YAF2: variants seen among roughly 807,000 people sequenced by gnomAD.
YAF2 encodes YY1 associated factor 2.
Under a neutral mutation model 20.1 loss-of-function variants are expected in YAF2, and 7 were observed. The ratio of observed to expected loss-of-function variants is 0.35; its 90% CI spans 0.20 to 0.65. YAF2 has a LOEUF of 0.65. Ranked by LOEUF, YAF2 falls within the 30% of genes least tolerant of loss-of-function variation. The pLI, the probability that YAF2 is intolerant of heterozygous loss-of-function variation, is 0.69. For missense variants in YAF2, 151 were observed against 219.2 expected, an observed-to-expected ratio of 0.69 and a Z score of 1.96; for synonymous variants, 74 against 76.0, an observed-to-expected ratio of 0.97 and a Z score of 0.14.
intron 2 of YAF2, among the ~76,000 whole-genome samples, chr12:42,202,944 C>T (rs2066939242): frequency 6.6e-6 from 1 of 152,024 alleles, no homozygotes; most frequent in Admixed American, 6.6e-5. Context: ...GGGCTAAATA[C>T]CATAATTTTT....
chr12:42,162,188 C>A (rs1360740408), intron 2 of YAF2, among the ~76,000 whole-genome samples: 1 of 152,110 alleles, frequency 6.6e-6, no homozygotes, highest in East Asian at 1.9e-4. Flanking sequence ...GCTATCTGTT[C>A]TTTAAAGCTT....
chr12:42,206,296 T>C (rs2067037758), intron 2 of YAF2, among the ~76,000 whole-genome samples: 1 of 93,138 alleles, frequency 1.1e-5, no homozygotes, highest in Admixed American at 1.1e-4. Flanking sequence ...ATGCTCTTAG[T>C]TAAAAAAAAA....
chr12:42,187,334 A>C (rs2066499328), intron 2 of YAF2, among the ~76,000 whole-genome samples: 1 of 151,964 alleles, frequency 6.6e-6, no homozygotes, highest in Non-Finnish European at 1.5e-5. Flanking sequence ...TTTTTAATAA[A>C]ATTTTTGTAG....
At chr12:42,201,879 C>G (rs1004301875) in intron 2 of YAF2, among the ~76,000 whole-genome samples, 1 of 152,112 alleles carries the variant, frequency 6.6e-6, no homozygotes, top group Non-Finnish European at 1.5e-5. Context: ...AGCCTGATGT[C>G]TTTTATTAAA....
intron 2 of YAF2, among the ~76,000 whole-genome samples, chr12:42,230,714 G>A (rs1382425044): frequency 6.6e-6 from 1 of 152,182 alleles, no homozygotes; most frequent in Non-Finnish European, 1.5e-5. Flanking sequence ...GACAATGACA[G>A]TTTCTAGCTG....
rs1229636175 is a variant in YAF2, at chr12:42,157,712, T to C, written c.*2877A>G. 1.3e-5 allele frequency: 2 copies of C among 152,092 alleles called. No homozygotes were observed. The highest frequency in any genetic ancestry group is 2.9e-5 in the Non-Finnish European group (2 of 68,022). 9.4% of individuals were successfully genotyped at this position (152,092 alleles called of 1,614,324 possible). A position where few individuals can be genotyped will look rare whatever the true frequency, so the allele number is the denominator to read the frequency against. On this transcript the variant is annotated 3_prime_UTR_variant, in exon 4 of 4. Transcript: ENST00000534854. ...AATAAAAATAAAACCTTTATTTCTA[T>C]TGTATAATACAAAAGGTTTTAAGAA...
At chr12:42,235,022 G>A in intron 2 of YAF2, 1 of 985,338 alleles carries the variant, frequency 1.0e-6, no homozygotes, top group Non-Finnish European at 1.2e-6. Context: ...GACTTCAAAG[G>A]TAGAACAAGG....
At chr12:42,197,756 C>T (rs1364032467) in intron 2 of YAF2, among the ~76,000 whole-genome samples, 2 of 152,110 alleles carry the variant, frequency 1.3e-5, no homozygotes, top group African/African-American at 2.4e-5. Context: ...AATAATCTTA[C>T]CTTACAAGAG....
intron 2 of YAF2, among the ~76,000 whole-genome samples, chr12:42,224,836 T>C (rs1239985473): frequency 6.6e-6 from 1 of 152,226 alleles, no homozygotes; most frequent in Non-Finnish European, 1.5e-5. Flanking sequence ...GCAATAAACA[T>C]ACGTGTGCAT....
intron 2 of YAF2, among the ~76,000 whole-genome samples, chr12:42,223,211 T>C (rs891021064): frequency 1.3e-5 from 2 of 152,124 alleles, no homozygotes; most frequent in African/African-American, 2.4e-5. Context: ...CTTTGCTTAT[T>C]CCTCTTTCCT....
chr12:42,213,805 C>T (rs1323939266), intron 2 of YAF2, among the ~76,000 whole-genome samples: 1 of 152,132 alleles, frequency 6.6e-6, no homozygotes, highest in African/African-American at 2.4e-5. Context: ...TGGAAACATA[C>T]ATCAAGGTAT....
chr12:42,170,726 G>T (rs941548031), intron 2 of YAF2, among the ~76,000 whole-genome samples: 1 of 152,094 alleles, frequency 6.6e-6, no homozygotes, highest in Non-Finnish European at 1.5e-5. Context: ...AGCACCTTTA[G>T]TCCCAGCTAC....
chr12:42,233,988 T>G, intron 2 of YAF2: 2 of 834,448 alleles, frequency 2.4e-6, no homozygotes, highest in East Asian at 1.2e-4. Flanking sequence ...CTGGCCAGCA[T>G]AGTGAAACCC....
chr12:42,163,105 C>T (rs544164824), intron 2 of YAF2, among the ~76,000 whole-genome samples: 57 of 152,046 alleles, frequency 3.7e-4, no homozygotes, highest in East Asian at 1.7e-3. Context: ...GAAGTAGAGC[C>T]CAAGAAACTG....
chr12:42,176,834 C>T (rs1236650974), intron 2 of YAF2, among the ~76,000 whole-genome samples: 1 of 152,010 alleles, frequency 6.6e-6, no homozygotes, highest in African/African-American at 2.4e-5. Context: ...AGGCGTGGTG[C>T]TGGGCGTCTG....
At chr12:42,229,012 CGT>C (rs1488582813) in intron 2 of YAF2, among the ~76,000 whole-genome samples, 4 of 50,974 alleles carry the variant, frequency 7.8e-5, no homozygotes, top group African/African-American at 1.5e-4. Flanking sequence ...GGATGGTTGC[CGT>C]GTCTGTGTAG....
intron 2 of YAF2, chr12:42,234,436 A>G (rs2068081455): frequency 1.0e-6 from 1 of 982,012 alleles, no homozygotes; most frequent in African/African-American, 1.7e-5. Flanking sequence ...TAATGGGTAC[A>G]CTGGAATCCC....
chr12:42,237,758 G>T, intron 1 of YAF2, 34 bp from the exon 2 acceptor site: 1 of 1,469,342 alleles, frequency 6.8e-7, no homozygotes, highest in Non-Finnish European at 9.0e-7. Flanking sequence ...ACGCGGCGCG[G>T]GGTCACCAGC....
intron 2 of YAF2, among the ~76,000 whole-genome samples, chr12:42,178,471 C>A (rs1308352477): frequency 3.9e-5 from 6 of 152,188 alleles, no homozygotes; most frequent in Non-Finnish European, 8.8e-5. Flanking sequence ...AAGATTCCAT[C>A]TTTTCCAAAT....
Sources: allele counts gnomAD v4.1 joint callset (sites outside exome capture counted in the v4.1 genomes callset), GRCh38; gene constraint gnomAD v4.1.1; transcripts MANE v1.5; gene names NCBI Gene and HGNC (gene_info 2026-07-23, HGNC 2026-07-21).